The following DNAJC6 variants were observed in gnomAD, a reference collection of about 807,000 sequenced individuals.
DNAJC6 encodes the protein DnaJ heat shock protein family (Hsp40) member C6, also known as auxilin.
A neutral mutation model predicts 110.0 loss-of-function variants in DNAJC6; 34 were observed. The observed-to-expected ratio is 0.31, with a 90% CI of 0.24 to 0.41. The LOEUF (loss-of-function observed/expected upper bound fraction) is 0.41. DNAJC6 is among the 10% of genes least tolerant of loss of function. DNAJC6 has a pLI of 1.00. For synonymous variants in DNAJC6, 406 were observed against 437.2 expected, an observed-to-expected ratio of 0.93 and a Z score of 0.89; for missense variants, 1,031 against 1,207.8, an observed-to-expected ratio of 0.85 and a Z score of 2.17.
At chr1:65,334,315 T>G (rs1645314754) in intron 1 of DNAJC6, among the ~76,000 whole-genome samples, 1 of 152,244 alleles carries the variant, frequency 6.6e-6, no homozygotes, top group South Asian at 2.1e-4. Context: ...GCACAGAATG[T>G]AATGCATGCA....
At chr1:65,309,454 G>A (rs1645075668), upstream of DNAJC6, 2 of 909,834 alleles carry the variant, frequency 2.2e-6, no homozygotes, top group African/African-American at 1.8e-5. Context: ...GAGCTCGGCA[G>A]GGCCGGGCGG....
At chr1:65,270,162 G>A (rs560189176) in intron 1 of DNAJC6, among the ~76,000 whole-genome samples, 1 of 152,256 alleles carries the variant, frequency 6.6e-6, no homozygotes, top group Admixed American at 6.5e-5. Context: ...CTATATACAA[G>A]TGCAAGTAGC....
intron 1 of DNAJC6, among the ~76,000 whole-genome samples, chr1:65,317,355 C>T (rs1454454305): frequency 1.3e-5 from 2 of 152,302 alleles, no homozygotes; most frequent in South Asian, 2.1e-4. Context: ...AAGTTCTTCA[C>T]GGTCCAAGAA....
At chr1:65,388,283 C>G in intron 8 of DNAJC6, 53 bp from the exon 9 acceptor site, 1 of 1,476,518 alleles carries the variant, frequency 6.8e-7, no homozygotes, top group Admixed American at 1.7e-5. Flanking sequence ...ATCTTTTGAT[C>G]AGATTCCCTT....
At chr1:65,278,398 T>A (rs1277927890) in intron 1 of DNAJC6, among the ~76,000 whole-genome samples, 1 of 152,250 alleles carries the variant, frequency 6.6e-6, no homozygotes. Context: ...TTTTTCACAT[T>A]TCTCCAAATT....
intron 9 of DNAJC6, 35 bp downstream of exon 9, chr1:65,388,450 C>A: frequency 6.3e-7 from 1 of 1,592,830 alleles, no homozygotes; most frequent in South Asian, 1.1e-5. Flanking sequence ...CTATTTGAAT[C>A]AAATTAGCTG....
chr1:65,372,769 G>A (rs1362291258), intron 4 of DNAJC6, among the ~76,000 whole-genome samples: 2 of 151,986 alleles, frequency 1.3e-5, no homozygotes, highest in Non-Finnish European at 1.5e-5. Context: ...AATAAACTGG[G>A]GCATGAGTAT....
chr1:65,311,342 A>T (rs746604339), intron 1 of DNAJC6, among the ~76,000 whole-genome samples: 9 of 147,448 alleles, frequency 6.1e-5, no homozygotes, highest in Non-Finnish European at 8.9e-5. Flanking sequence ...CTCCTGCCTC[A>T]GCCTCCTGAG....
intron 1 of DNAJC6, among the ~76,000 whole-genome samples, chr1:65,267,984 G>A (rs1653391594): frequency 6.6e-6 from 1 of 152,036 alleles, no homozygotes; most frequent in African/African-American, 2.4e-5. Context: ...TCCTGAATAT[G>A]AGACATAAAA....
intron 1 of DNAJC6, among the ~76,000 whole-genome samples, chr1:65,289,062 G>A (rs1056044796): frequency 2.6e-5 from 4 of 152,172 alleles, no homozygotes; most frequent in African/African-American, 9.7e-5. Context: ...CACATGGTAT[G>A]TGCATATTGA....
chr1:65,339,174 G>A (rs913822704), intron 1 of DNAJC6, among the ~76,000 whole-genome samples: 1 of 151,966 alleles, frequency 6.6e-6, no homozygotes, highest in Admixed American at 6.6e-5. Context: ...CAGGTGTAAT[G>A]TTGGGTTCTT....
chr1:65,267,560 G>T (rs1653375403), intron 1 of DNAJC6, among the ~76,000 whole-genome samples: 1 of 146,882 alleles, frequency 6.8e-6, no homozygotes, highest in Non-Finnish European at 1.5e-5. Context: ...CATCACATCG[G>T]TTTTTTTTTT....
intron 1 of DNAJC6, among the ~76,000 whole-genome samples, chr1:65,320,283 T>TC (rs978470147): frequency 1.1e-4 from 16 of 152,204 alleles, no homozygotes; most frequent in African/African-American, 3.9e-4. Context: ...CACCATTTCT[T>TC]CCCCTCCATC....
chr1:65,371,792 G>C (rs1645708991), intron 4 of DNAJC6, among the ~76,000 whole-genome samples: 1 of 152,144 alleles, frequency 6.6e-6, no homozygotes, highest in Admixed American at 6.5e-5. Context: ...GATGTTCAAG[G>C]TGTTCAGGAA....
At chr1:65,326,015 T>C (rs1645238444) in intron 1 of DNAJC6, among the ~76,000 whole-genome samples, 1 of 152,248 alleles carries the variant, frequency 6.6e-6, no homozygotes, top group Admixed American at 6.5e-5. Context: ...TATTATCCTA[T>C]GGGATGACTG....
chr1:65,297,763 G>C (rs1372204050), intron 1 of DNAJC6, among the ~76,000 whole-genome samples: 1 of 152,200 alleles, frequency 6.6e-6, no homozygotes, highest in African/African-American at 2.4e-5. Context: ...GAGTCCTGTA[G>C]CCGGAGGCTG....
At position 65,392,551 on chromosome 1, in the gene DNAJC6, A is replaced by T; in HGVS notation, c.1589A>T (p.Asp530Val). The T allele has an allele frequency of 1.1e-5, 17 of 1,614,102 alleles. No individual in the cohort carries two copies. Among genetic ancestry groups the T allele is most frequent in the Non-Finnish European group, 1.4e-5 (16 of 1,180,000 alleles). ...LSSPHGNANGDKPHGVKKPSK... is the reference protein window; with the variant it reads ...LSSPHGNANGVKPHGVKKPSK... Reference sequence around the variant, plus strand: ...AGTCCGCATGGCAATGCCAATGGTGACAAGCCTCATGGAGTCAAGAAGCCC... The same window carrying T: ...AGTCCGCATGGCAATGCCAATGGTGTCAAGCCTCATGGAGTCAAGAAGCCC... Residue 530 changes from aspartate to valine, a missense_variant, in exon 12 of 19, where the codon GAC becomes GTC. By Grantham distance (152) the Asp-to-Val change is radical (BLOSUM62 -3). Transcript: ENST00000371069.
chr1:65,351,004 A>G (rs1252381787), intron 1 of DNAJC6, among the ~76,000 whole-genome samples: 2 of 151,984 alleles, frequency 1.3e-5, no homozygotes, highest in African/African-American at 4.8e-5. Flanking sequence ...TTTCCCTCCT[A>G]TCCCTCCAGC....
upstream of DNAJC6, among the ~76,000 whole-genome samples, chr1:65,306,673 G>A (rs2101332600): frequency 6.6e-6 from 1 of 152,154 alleles, no homozygotes; most frequent in East Asian, 1.9e-4. Context: ...CATGTATGAT[G>A]TAGTATTTTT....
Sources: gnomAD v4.1 joint callset for allele counts (sites outside exome capture counted in the v4.1 genomes callset) on GRCh38, gnomAD v4.1.1 for gene constraint, MANE v1.5 for transcripts, NCBI Gene and HGNC (gene_info 2026-07-23, HGNC 2026-07-21) for gene names.